CACNA1A: variants seen among roughly 807,000 people sequenced by gnomAD.
The protein encoded by CACNA1A is calcium voltage-gated channel subunit alpha1 A, also known as voltage-dependent P/Q-type calcium channel subunit alpha-1A.
In CACNA1A, 57 loss-of-function variants were observed where a neutral mutation model predicts 262.4. The observed-to-expected ratio is 0.22, with a 90% CI of 0.18 to 0.27. The LOEUF is 0.27. Ranked by LOEUF, CACNA1A falls within the 10% of genes least tolerant of loss-of-function variation. CACNA1A has a pLI of 1.00. For synonymous variants in CACNA1A, 1,431 were observed against 1,419.3 expected, an observed-to-expected ratio of 1.01 and a Z score of -0.18; for missense variants, 2,526 against 3,562.8, an observed-to-expected ratio of 0.71 and a Z score of 7.41.
intron 38 of CACNA1A, among the ~76,000 whole-genome samples, chr19:13,223,993 C>T (rs1396361357): frequency 6.6e-6 from 1 of 151,986 alleles, no homozygotes; most frequent in Non-Finnish European, 1.5e-5. Context: ...TGATGAAACC[C>T]CATCTCTATA....
chr19:13,439,548 C>T (rs932349178), intron 3 of CACNA1A, among the ~76,000 whole-genome samples: 1 of 151,152 alleles, frequency 6.6e-6, no homozygotes, highest in Non-Finnish European at 1.5e-5. Context: ...TACAGGTGAC[C>T]GCCATCATGC....
rs2054775532 is a variant in CACNA1A at position 13,210,613 on chromosome 19, A to G, written c.6339+4T>C. On this transcript the variant is annotated splice_donor_region_variant and intron_variant, in intron 44 of 46. Transcript: ENST00000360228. ...GCTGGGCGCTGGGCAGGCGCGGTAC[A>G]TACACTGAGGTTATTCCCACGTGGC... The G allele has an allele frequency of 6.4e-7, 1 of 1,563,142 alleles. No individual in the cohort carries two copies. The highest frequency in any genetic ancestry group is 8.7e-7 in the Non-Finnish European group (1 of 1,155,030).
rs376815942 is a variant in CACNA1A, at chr19:13,230,116, C to T, written c.5494G>A (p.Val1832Met). The T allele has an allele frequency of 6.8e-6, 11 of 1,613,748 alleles. No individual in the cohort carries two copies. Among genetic ancestry groups the T allele is most frequent in the Non-Finnish European group, 9.3e-6 (11 of 1,179,868 alleles). ...GGGTCATACTCGGCCCAGACACGCA[C>T]GTACTCATCCAGGTGGTGGGGGCCC... ...ILGPHHLDEY[V>M]RVWAEYDPAA... The change falls in exon 36 of 47, where the codon GTG becomes ATG. Residue 1832 changes from valine to methionine, a missense_variant. Val to Met is a conservative substitution (Grantham distance 21). Around this residue, in one of 17 missense-constraint regions of CACNA1A, gnomAD observed 112 missense variants for 197.2 expected, o/e 0.57. Coordinates refer to ENST00000360228, the MANE Select transcript of CACNA1A (RefSeq NM_001127222.2).
intron 38 of CACNA1A, among the ~76,000 whole-genome samples, chr19:13,217,963 A>G (rs1408739487): frequency 1.4e-5 from 2 of 138,300 alleles, no homozygotes; most frequent in Non-Finnish European, 3.1e-5. Context: ...AAAAAAAGAG[A>G]TAGGGTCTCA....
At chr19:13,369,003 A>C (rs1174628156) in intron 4 of CACNA1A, among the ~76,000 whole-genome samples, 1 of 118,910 alleles carries the variant, frequency 8.4e-6, no homozygotes. Context: ...TCGCCACTGC[A>C]CTCCAGCCTG....
chr19:13,336,504 A>G (rs545141133), intron 6 of CACNA1A, among the ~76,000 whole-genome samples: 2 of 151,968 alleles, frequency 1.3e-5, no homozygotes, highest in South Asian at 2.1e-4. Context: ...AAAATAGAAC[A>G]CTATAGCAAG....
chr19:13,376,590 G>T (rs185654639), intron 3 of CACNA1A, among the ~76,000 whole-genome samples: 128 of 147,524 alleles, frequency 8.7e-4, no homozygotes, highest in Admixed American at 3.0e-3. Context: ...TAACATATGA[G>T]ATATATAACA....
intron 3 of CACNA1A, among the ~76,000 whole-genome samples, chr19:13,396,844 T>A (rs945643322): frequency 1.7e-5 from 2 of 120,474 alleles, no homozygotes; most frequent in Non-Finnish European, 3.0e-5. Context: ...TTGGTTTGGC[T>A]GAGGGGAAGC....
chr19:13,216,121 C>T (rs891347864), intron 38 of CACNA1A, among the ~76,000 whole-genome samples: 1 of 151,860 alleles, frequency 6.6e-6, no homozygotes, highest in Non-Finnish European at 1.5e-5. Context: ...GTCTCCACTG[C>T]CACGGACATG....
chr19:13,419,670 T>C (rs149467062), intron 3 of CACNA1A, among the ~76,000 whole-genome samples: 2,686 of 151,916 alleles, frequency 0.018, 47 homozygotes, highest in Non-Finnish European at 0.026. Context: ...GAGTGAGACC[T>C]TGTCTCAAAA....
intron 6 of CACNA1A, among the ~76,000 whole-genome samples, chr19:13,350,522 G>A (rs986506247): frequency 1.3e-5 from 2 of 152,154 alleles, no homozygotes; most frequent in Non-Finnish European, 2.9e-5. Flanking sequence ...GATGATTGGA[G>A]GTGGCAAACC....
chr19:13,438,261 C>T (rs921448020), intron 3 of CACNA1A, among the ~76,000 whole-genome samples: 6 of 152,222 alleles, frequency 3.9e-5, no homozygotes, highest in Non-Finnish European at 7.3e-5. Context: ...GGAATGGGGC[C>T]CCAGTGGCCC....
chr19:13,253,679 T>C (rs1036511447), intron 29 of CACNA1A, among the ~76,000 whole-genome samples: 4 of 152,026 alleles, frequency 2.6e-5, no homozygotes, highest in Admixed American at 6.6e-5. Flanking sequence ...TCTCCTAACC[T>C]TGTGATCGCC....
intron 44 of CACNA1A, among the ~76,000 whole-genome samples, 197 bp from the exon 45 acceptor site, chr19:13,209,695 G>C (rs993998050): frequency 3.0e-4 from 46 of 152,330 alleles, no homozygotes; most frequent in Non-Finnish European, 6.0e-4. Flanking sequence ...CCAGGCCTCT[G>C]AGGGTGGAGC....
chr19:13,269,146 G>C (rs2419242), intron 24 of CACNA1A, among the ~76,000 whole-genome samples: 1 of 42,384 alleles, frequency 2.4e-5, no homozygotes, highest in Admixed American at 2.7e-4. Flanking sequence ...ACAGGTGAGA[G>C]ACACCACACC....
chr19:13,487,529 G>A (rs560762885), intron 1 of CACNA1A, among the ~76,000 whole-genome samples: 21 of 152,016 alleles, frequency 1.4e-4, no homozygotes, highest in Non-Finnish European at 2.5e-4. Flanking sequence ...CAGTGAGTAC[G>A]GGGTCTCCTT....
chr19:13,333,405 C>T (rs1457803564), intron 8 of CACNA1A, among the ~76,000 whole-genome samples: 3 of 152,038 alleles, frequency 2.0e-5, no homozygotes, highest in African/African-American at 7.2e-5. Context: ...TTAGAGAAGC[C>T]TTCCCTGACC....
rs556618997 is a variant in CACNA1A at position 13,375,595 on chromosome 19, T to C, written c.540-3816A>G. ...TTGAGCCTAGGAGTTTGAGACTAGC[T>C]TGGGCAAAATAGGGAGACCCTATCT... On this transcript the variant is annotated intron_variant, in intron 3 of 46. Transcript: ENST00000360228. Among the ~76,000 whole-genome samples, 11 of 152,070 alleles carry C rather than the reference T, an allele frequency of 7.2e-5. 1 individual carries two copies. The highest frequency in any genetic ancestry group is 2.4e-4 in the African/African-American group (10 of 41,498).
intron 3 of CACNA1A, among the ~76,000 whole-genome samples, chr19:13,372,085 C>T (rs548575971): frequency 7.9e-5 from 12 of 152,186 alleles, no homozygotes; most frequent in African/African-American, 2.4e-4. Flanking sequence ...TCACAACCTA[C>T]AATGACAATA....
Sources: gnomAD v4.1 joint callset for allele counts (sites outside exome capture counted in the v4.1 genomes callset) on GRCh38, gnomAD v4.1.1 for gene constraint, gnomAD v4.1.1 regional missense constraint, MANE v1.5 for transcripts, NCBI Gene and HGNC (gene_info 2026-07-23, HGNC 2026-07-21) for gene names.